The following SAMD4A variants were observed in gnomAD, a reference collection of about 807,000 sequenced individuals.
The protein encoded by SAMD4A is protein Smaug homolog 1.
SAMD4A carries 33 observed loss-of-function variants against 81.3 expected under a neutral mutation model. That is an observed-to-expected ratio of 0.41 (90% CI 0.31 to 0.54). The LOEUF (loss-of-function observed/expected upper bound fraction) is 0.54. Among genes scored for constraint, SAMD4A ranks in the 20% least tolerant of loss-of-function variants. SAMD4A has a pLI of 0.37. For synonymous variants in SAMD4A, 389 were observed against 382.1 expected, an observed-to-expected ratio of 1.02 and a Z score of -0.21; for missense variants, 854 against 951.1, an observed-to-expected ratio of 0.90 and a Z score of 1.34.
At chr14:54,704,154 T>C (rs2036793219) in intron 3 of SAMD4A, among the ~76,000 whole-genome samples, 1 of 152,252 alleles carries the variant, frequency 6.6e-6, no homozygotes, top group Admixed American at 6.5e-5. Flanking sequence ...TGCATCTTAA[T>C]TTATTATATA....
chr14:54,642,058 A>G (rs989823968), intron 2 of SAMD4A, among the ~76,000 whole-genome samples: 2 of 152,164 alleles, frequency 1.3e-5, no homozygotes, highest in Admixed American at 1.3e-4. Context: ...TCGGCCTCCC[A>G]AAGTGCTGGG....
chr14:54,593,102 C>A (rs1386047701), intron 2 of SAMD4A, among the ~76,000 whole-genome samples: 1 of 152,198 alleles, frequency 6.6e-6, no homozygotes, highest in Non-Finnish European at 1.5e-5. Context: ...TATCAGCATT[C>A]TGCCATTCTG....
intron 10 of SAMD4A, among the ~76,000 whole-genome samples, chr14:54,775,755 T>C (rs1391357295): frequency 6.6e-6 from 1 of 151,934 alleles, no homozygotes; most frequent in Non-Finnish European, 1.5e-5. Context: ...GGGACACAAG[T>C]AGGTCTGAGG....
chr14:54,697,955 C>T (rs764102024), intron 2 of SAMD4A, among the ~76,000 whole-genome samples: 10 of 152,166 alleles, frequency 6.6e-5, no homozygotes, highest in Admixed American at 3.9e-4. Context: ...TGGCAGCTGG[C>T]TTTCCCCAGA....
chr14:54,787,978 C>T (rs1341496607), intron 12 of SAMD4A, among the ~76,000 whole-genome samples: 3 of 152,156 alleles, frequency 2.0e-5, no homozygotes, highest in South Asian at 4.1e-4. Context: ...AAAAAGGGGC[C>T]GGGCAGGCCT....
intron 11 of SAMD4A, among the ~76,000 whole-genome samples, chr14:54,782,507 C>T (rs1280075533): frequency 6.6e-6 from 1 of 152,202 alleles, no homozygotes; most frequent in Non-Finnish European, 1.5e-5. Context: ...CCTACTCTAA[C>T]AGCAACTAGT....
intron 2 of SAMD4A, among the ~76,000 whole-genome samples, chr14:54,685,446 G>A (rs2036241480): frequency 6.6e-6 from 1 of 152,196 alleles, no homozygotes; most frequent in African/African-American, 2.4e-5. Context: ...CTTCCTTGTT[G>A]AGGCTGAAGA....
intron 2 of SAMD4A, among the ~76,000 whole-genome samples, chr14:54,575,054 G>A (rs2033248199): frequency 6.6e-6 from 1 of 152,144 alleles, no homozygotes; most frequent in Non-Finnish European, 1.5e-5. Context: ...CAAGTTTTAC[G>A]GCTATGTGTC....
intron 2 of SAMD4A, among the ~76,000 whole-genome samples, chr14:54,575,373 C>T (rs1211324025): frequency 6.6e-6 from 1 of 152,168 alleles, no homozygotes; most frequent in Non-Finnish European, 1.5e-5. Flanking sequence ...AGGTGGTTTC[C>T]TATAATAAGA....
chr14:54,645,529 GT>G (rs2035268954), intron 2 of SAMD4A, among the ~76,000 whole-genome samples: 1 of 151,956 alleles, frequency 6.6e-6, no homozygotes, highest in Non-Finnish European at 1.5e-5. Flanking sequence ...TTCAAAGCCT[GT>G]TTTTTTAAAA....
intron 2 of SAMD4A, among the ~76,000 whole-genome samples, chr14:54,605,245 A>G (rs2034167817): frequency 6.6e-6 from 1 of 152,118 alleles, no homozygotes; most frequent in South Asian, 2.1e-4. Flanking sequence ...GTGCACCAAA[A>G]ATCTACTCAG....
At chr14:54,741,738 G>C (rs1306473919) in intron 4 of SAMD4A, among the ~76,000 whole-genome samples, 1 of 152,228 alleles carries the variant, frequency 6.6e-6, no homozygotes, top group African/African-American at 2.4e-5. Context: ...TAGAGGAGGA[G>C]AGGCCTAGAG....
At chr14:54,608,518 C>T (rs767111391) in intron 2 of SAMD4A, among the ~76,000 whole-genome samples, 8 of 152,262 alleles carry the variant, frequency 5.3e-5, no homozygotes, top group South Asian at 4.1e-4. Flanking sequence ...TGTATCGCCC[C>T]GGGAAATATT....
rs751550371 is a variant in SAMD4A, at chr14:54,776,753, C to T, written c.2044+213C>T. Among the ~76,000 whole-genome samples, 5 of 152,180 alleles carry T rather than the reference C, an allele frequency of 3.3e-5. No individual in the cohort carries two copies. In the South Asian group the frequency reaches 6.2e-4, roughly 19 times the overall value. Reference sequence around the variant, plus strand: ...GTGGAGCCCCAGAGTTGGTTGCAATCGGATGGGGATATTTTTGATACTAGT... The same window carrying T: ...GTGGAGCCCCAGAGTTGGTTGCAATTGGATGGGGATATTTTTGATACTAGT... On this transcript the variant is annotated intron_variant, in intron 11 of 12. Transcript: ENST00000554335.
rs148338227 is a variant in SAMD4A at position 54,702,557 on chromosome 14, C to T, written c.692C>T (p.Thr231Met). 5.6e-5 allele frequency: 90 copies of T among 1,613,944 alleles called. No individual in the cohort carries two copies. The highest frequency in any genetic ancestry group is 1.6e-4 in the Middle Eastern group (1 of 6,084). The stretch of plus-strand genomic sequence containing the variant: ...TCATCTGTCCCCACCACAATCAATA[C>T]GATTGGAACCAGCACAAGTACAAGT... ...SSSSVPTTIN[T>M]IGTSTSTILS... Residue 231 changes from threonine (T) to methionine (M), a missense_variant, in exon 3 of 13, where the codon ACG (threonine) becomes ATG (methionine). Around this residue, in one of 3 missense-constraint regions of SAMD4A, gnomAD observed 387 missense variants for 405.8 expected, o/e 0.95. Coordinates refer to ENST00000554335, the MANE Select transcript of SAMD4A (RefSeq NM_015589.6).
chr14:54,759,768 A>G (rs1439120267), intron 6 of SAMD4A, among the ~76,000 whole-genome samples: 1 of 152,188 alleles, frequency 6.6e-6, no homozygotes, highest in Non-Finnish European at 1.5e-5. Context: ...TTCATCCAGA[A>G]CATACACAGG....
chr14:54,727,833 G>C (rs56097261), intron 3 of SAMD4A, among the ~76,000 whole-genome samples: 1 of 151,970 alleles, frequency 6.6e-6, no homozygotes, highest in African/African-American at 2.4e-5. Context: ...CACACACACA[G>C]ACACACACGC....
chr14:54,655,488 T>G (rs1183392707), intron 2 of SAMD4A, among the ~76,000 whole-genome samples: 1 of 152,076 alleles, frequency 6.6e-6, no homozygotes, highest in East Asian at 1.9e-4. Flanking sequence ...TCCCAGCACT[T>G]TGGGAGGCTG....
intron 2 of SAMD4A, chr14:54,687,944 TC>T: frequency 1.0e-6 from 1 of 986,580 alleles, no homozygotes; most frequent in Non-Finnish European, 1.2e-6. Context: ...GGCTGATGCC[TC>T]TGACATCATA....
Sources: allele counts gnomAD v4.1 joint callset (sites outside exome capture counted in the v4.1 genomes callset), GRCh38; gene constraint gnomAD v4.1.1; regional missense constraint gnomAD v4.1.1; transcripts MANE v1.5; gene names NCBI Gene and HGNC (gene_info 2026-07-23, HGNC 2026-07-21).